ZC3H14: variants seen among roughly 807,000 people sequenced by gnomAD.
ZC3H14 encodes zinc finger CCCH-type containing 14, also known as zinc finger CCCH domain-containing protein 14.
Under a neutral mutation model 92.4 loss-of-function variants are expected in ZC3H14, and 31 were observed. The observed-to-expected ratio is 0.34, with a 90% CI of 0.25 to 0.45. The LOEUF is 0.45. Ranked by LOEUF, ZC3H14 falls within the 20% of genes least tolerant of loss-of-function variation. The pLI is 1.00. For synonymous variants in ZC3H14, 321 were observed against 300.9 expected (o/e 1.07, Z -0.69); for missense variants, 781 against 897.3 (o/e 0.87, Z 1.66).
At chr14:88,574,912 T>A (rs1362218953) in intron 7 of ZC3H14, 59 bp downstream of exon 7, 11 of 1,609,960 alleles carry the variant, frequency 6.8e-6, no homozygotes, top group Non-Finnish European at 9.3e-6. Flanking sequence ...CTTCCTGATT[T>A]ATTGAAGAGA....
At chr14:88,601,835 A>G (rs1470487443) in intron 10 of ZC3H14, 89 bp from the exon 11 acceptor site, 19 of 1,464,730 alleles carry the variant, frequency 1.3e-5, no homozygotes, top group Non-Finnish European at 1.6e-5. Flanking sequence ...TTGAATATAT[A>G]AAAGATTGAC....
chr14:88,599,471 A>G (rs1032296957), intron 10 of ZC3H14, among the ~76,000 whole-genome samples: 1 of 151,584 alleles, frequency 6.6e-6, no homozygotes, highest in Admixed American at 6.6e-5. Flanking sequence ...GATGTTACTT[A>G]CTCCCCCGTC....
At chr14:88,563,402 C>T (rs1295504769) in intron 1 of ZC3H14, 17 of 1,430,892 alleles carry the variant, frequency 1.2e-5, no homozygotes, top group Admixed American at 3.0e-5. Context: ...AGGCGCAGGC[C>T]CGGCTGGAGC....
In ZC3H14 at chr14:88,611,833, A is replaced by G; in HGVS notation, c.*82A>G. On this transcript the variant is annotated 3_prime_UTR_variant, in exon 17 of 17. Coordinates refer to ENST00000251038, the MANE Select transcript of ZC3H14 (RefSeq NM_024824.5). ...AAAGATACTCTACAGAACTTGTCAA[A>G]TCTTTGAAACTTGGAATATATTGCT... 1.3e-6 allele frequency: 2 copies of G among 1,580,060 alleles called. No homozygotes were observed. The highest frequency in any genetic ancestry group is 3.4e-5 in the Admixed American group (2 of 58,658).
At chr14:88,570,168 G>A (rs1595508198) in intron 3 of ZC3H14, among the ~76,000 whole-genome samples, 1 of 152,142 alleles carries the variant, frequency 6.6e-6, no homozygotes, top group African/African-American at 2.4e-5. Context: ...GAAGCAAAGG[G>A]TGATGTCCCC....
chr14:88,611,092 AT>A (rs1393807362), intron 16 of ZC3H14, 152 bp downstream of exon 16: 21 of 748,656 alleles, frequency 2.8e-5, no homozygotes, highest in Non-Finnish European at 4.3e-5. Flanking sequence ...CTTTGGCAAA[AT>A]AATTTACTAC....
intron 6 of ZC3H14, 196 bp from the exon 7 acceptor site, chr14:88,574,497 C>A: frequency 1.7e-6 from 1 of 600,308 alleles, no homozygotes; most frequent in Non-Finnish European, 2.8e-6. Flanking sequence ...CCCACTTCGG[C>A]CTTCCAAAGT....
At position 88,563,043 on chromosome 14, in the gene ZC3H14, G is replaced by C. The variant is rs1348930379; in HGVS notation, c.-91G>C. 6.6e-7 allele frequency: 1 copy of C among 1,516,000 alleles called. No individual in the cohort carries two copies. 93.9% of individuals were successfully genotyped at this position (1,516,000 alleles called of 1,614,324 possible). ...CCGGGGGCGGAACGGAGGAGGAGGC[G>C]GTGGTGTCCCGGCTGCGGGGTAGGA... On this transcript the variant is annotated 5_prime_UTR_variant, in exon 1 of 17. Coordinates refer to ENST00000251038, the MANE Select transcript of ZC3H14 (RefSeq NM_024824.5).
Position 88,574,705 on chromosome 14 carries a change from C to T in ZC3H14, c.874C>T (p.Arg292Trp). The change falls in exon 7 of 17, where the codon CGG becomes TGG. Residue 292 changes from arginine to tryptophan, a missense_variant. Around this residue, in one of 3 missense-constraint regions of ZC3H14, gnomAD observed 454 missense variants for 438.5 expected, o/e 1.04. Transcript: ENST00000251038. ...EKMSMEDENF[R>W]KRKLPVVSSV... is the part of the protein sequence containing the mutation. ...TATCTGATTGCAGGATGAAAACTTT[C>T]GGAAGAGAAAGTTGCCTGTGGTAAG... is the stretch of plus-strand genomic sequence containing the variant. The T allele has an allele frequency of 2.5e-6, 4 of 1,613,802 alleles. No individual in the cohort carries two copies. Among genetic ancestry groups the T allele is most frequent in the Non-Finnish European group, 2.5e-6 (3 of 1,179,922 alleles).
chr14:88,595,803 C>T (rs561403022), intron 9 of ZC3H14, among the ~76,000 whole-genome samples: 5 of 152,274 alleles, frequency 3.3e-5, no homozygotes, highest in East Asian at 3.9e-4. Context: ...CTTGTGAAGC[C>T]ACCTGTAATG....
At position 88,563,535 on chromosome 14, in the gene ZC3H14, C is replaced by T. The variant is rs1252780458; in HGVS notation, c.37-116C>T. 4 of 1,582,472 alleles carry T rather than the reference C, an allele frequency of 2.5e-6. No individual in the cohort carries two copies. In the East Asian group the frequency reaches 6.7e-5, roughly 27 times the overall value. On this transcript the variant is annotated intron_variant, in intron 1 of 16. Transcript: ENST00000251038. The stretch of plus-strand genomic sequence containing the variant: ...GTGCAGGCGAGGCTCCTCCCAGCCC[C>T]CGCCCGGGGGATCCGAGGTGCGCGC...
At chr14:88,604,998 C>T (rs1225264377) in intron 12 of ZC3H14, among the ~76,000 whole-genome samples, 4 of 152,154 alleles carry the variant, frequency 2.6e-5, no homozygotes, top group Non-Finnish European at 4.4e-5. Context: ...GCATGACCTT[C>T]GTATGACTTA....
At chr14:88,583,532 G>A (rs374325962) in intron 9 of ZC3H14, among the ~76,000 whole-genome samples, 1 of 152,048 alleles carries the variant, frequency 6.6e-6, no homozygotes, top group African/African-American at 2.4e-5. Flanking sequence ...AATTCATCAT[G>A]TTTTCATTAT....
chr14:88,617,156 T>C lies in ZC3H14; in HGVS notation c.*5405T>C, dbSNP rs1165153336. 2 of 221,044 alleles carry C rather than the reference T, an allele frequency of 9.0e-6. No homozygotes were observed. The highest frequency in any genetic ancestry group is 2.3e-5 in the African/African-American group (1 of 43,686). 13.7% of individuals were successfully genotyped at this position (221,044 alleles called of 1,614,324 possible). On this transcript the variant is annotated 3_prime_UTR_variant, in exon 17 of 17. Transcript: ENST00000251038. ...ACTGATAGAACTATTTTTTCTTTTT[T>C]TTTTTTTGAGACGGAGTTTTCGCTC... is the stretch of plus-strand genomic sequence containing the variant.
intron 10 of ZC3H14, among the ~76,000 whole-genome samples, chr14:88,601,496 G>T (rs1172292540): frequency 6.6e-6 from 1 of 152,232 alleles, no homozygotes; most frequent in Admixed American, 6.5e-5. Flanking sequence ...ATCAGGACAT[G>T]ATTCTAAGTG....
At chr14:88,606,684 C>T (rs2085454592) in intron 12 of ZC3H14, among the ~76,000 whole-genome samples, 1 of 148,874 alleles carries the variant, frequency 6.7e-6, no homozygotes, top group Non-Finnish European at 1.5e-5. Flanking sequence ...TTGCAGTGAG[C>T]CGAGATTACA....
At chr14:88,607,483 C>T in intron 13 of ZC3H14, 120 bp downstream of exon 13, 7 of 1,040,896 alleles carry the variant, frequency 6.7e-6, no homozygotes, top group Non-Finnish European at 1.0e-5. Context: ...CAAGTACCAT[C>T]CCCCACATCT....
intron 10 of ZC3H14, among the ~76,000 whole-genome samples, chr14:88,599,848 C>T (rs541906731): frequency 2.0e-5 from 3 of 152,288 alleles, no homozygotes; most frequent in East Asian, 1.9e-4. Context: ...TTGGGACCCA[C>T]CTTTGACAGT....
intron 10 of ZC3H14, among the ~76,000 whole-genome samples, chr14:88,597,219 AC>A (rs1282409722): frequency 6.6e-6 from 1 of 152,006 alleles, no homozygotes; most frequent in African/African-American, 2.4e-5. Context: ...CCAGGGCCAC[AC>A]CTGGAACTTG....
Sources: gnomAD v4.1 joint callset for allele counts (sites outside exome capture counted in the v4.1 genomes callset) on GRCh38, gnomAD v4.1.1 for gene constraint, gnomAD v4.1.1 regional missense constraint, MANE v1.5 for transcripts, NCBI Gene and HGNC (gene_info 2026-07-23, HGNC 2026-07-21) for gene names.